DISC1: variants seen among roughly 807,000 people sequenced by gnomAD.
DISC1 encodes disrupted in schizophrenia 1 protein.
In DISC1, 57 loss-of-function variants were observed where a neutral mutation model predicts 84.5. The observed-to-expected ratio is 0.67, with a 90% confidence interval of 0.55 to 0.84. DISC1 has a LOEUF of 0.84. DISC1 is among the 40% of genes least tolerant of loss of function. DISC1 has a pLI of 0.00. For synonymous variants in DISC1, 411 were observed against 415.2 expected (o/e 0.99, Z 0.12); for missense variants, 1,000 against 1,057.8 (o/e 0.95, Z 0.76).
At position 231,952,486 on chromosome 1, in the gene DISC1, G is replaced by T. The variant is rs16855725; in HGVS notation, c.1982-6342G>T. Among the ~76,000 whole-genome samples the T allele has an allele frequency of 4.2e-3, 643 of 152,152 alleles. 11 individuals carry two copies. Among genetic ancestry groups the T allele is most frequent in the East Asian group, 0.042 (215 of 5,178 alleles). On this transcript the variant is annotated intron_variant, in intron 9 of 12. Coordinates refer to ENST00000439617, the MANE Select transcript of DISC1 (RefSeq NM_018662.3). ...GCTAAACTAGAACTACCACAGATAG[G>T]TGATAGCAGAATGCTATATTTGAAA...
intron 6 of DISC1, among the ~76,000 whole-genome samples, chr1:231,793,153 A>G (rs563155723): frequency 3.9e-5 from 6 of 152,340 alleles, no homozygotes; most frequent in Admixed American, 1.3e-4. Flanking sequence ...TTGAAGAACA[A>G]ACAAACAAAA....
At chr1:231,862,981 G>A (rs748526588) in intron 9 of DISC1, among the ~76,000 whole-genome samples, 8 of 152,266 alleles carry the variant, frequency 5.3e-5, no homozygotes, top group Middle Eastern at 3.4e-3. Context: ...ATAAGTGACA[G>A]AGTTAGTCTC....
chr1:231,831,172 GC>G (rs2082195517), intron 9 of DISC1, among the ~76,000 whole-genome samples: 1 of 152,186 alleles, frequency 6.6e-6, no homozygotes, highest in South Asian at 2.1e-4. Context: ...CCAGTCCTGG[GC>G]AGGGGCAAAT....
chr1:232,019,113 C>G (rs1668726749), intron 11 of DISC1, among the ~76,000 whole-genome samples: 1 of 152,176 alleles, frequency 6.6e-6, no homozygotes. Flanking sequence ...AGGACCTCAT[C>G]ATCTGGTGAG....
At chr1:231,814,536 A>G (rs1244269938) in intron 8 of DISC1, among the ~76,000 whole-genome samples, 1 of 152,188 alleles carries the variant, frequency 6.6e-6, no homozygotes, top group Non-Finnish European at 1.5e-5. Context: ...CTTCTTCTTC[A>G]TTCTGAGTCT....
At chr1:231,763,581 T>G (rs985927980) in intron 4 of DISC1, among the ~76,000 whole-genome samples, 3 of 152,194 alleles carry the variant, frequency 2.0e-5, no homozygotes, top group Non-Finnish European at 4.4e-5. Context: ...TTACAAAAAC[T>G]GAGGTGACAT....
chr1:231,746,568 C>A (rs1483649043), intron 3 of DISC1, among the ~76,000 whole-genome samples: 2 of 152,216 alleles, frequency 1.3e-5, no homozygotes, highest in Admixed American at 6.5e-5. Flanking sequence ...TTCCCACCAA[C>A]AATGTATAAG....
chr1:231,925,321 T>G (rs895058548), intron 9 of DISC1, among the ~76,000 whole-genome samples: 1 of 152,180 alleles, frequency 6.6e-6, no homozygotes, highest in Admixed American at 6.5e-5. Flanking sequence ...ACCTGCATGG[T>G]GATGCTGTGC....
intron 12 of DISC1, among the ~76,000 whole-genome samples, chr1:232,033,830 A>G (rs1670274704): frequency 6.6e-6 from 1 of 152,334 alleles, no homozygotes; most frequent in East Asian, 1.9e-4. Context: ...TGTGAATATC[A>G]CAGAAGTATG....
At chr1:231,745,183 A>C (rs1434479224) in intron 3 of DISC1, among the ~76,000 whole-genome samples, 2 of 152,146 alleles carry the variant, frequency 1.3e-5, no homozygotes, top group Non-Finnish European at 1.5e-5. Context: ...TATAGTGATC[A>C]GATCGGGGTA....
chr1:231,683,431 T>G (rs1367633441), intron 1 of DISC1, among the ~76,000 whole-genome samples: 3 of 151,256 alleles, frequency 2.0e-5, no homozygotes, highest in Non-Finnish European at 4.4e-5. Flanking sequence ...CATGATTTTT[T>G]TTTTTTTTTT....
intron 8 of DISC1, among the ~76,000 whole-genome samples, 161 bp downstream of exon 8, chr1:231,800,371 C>T (rs550168444): frequency 6.6e-6 from 1 of 152,234 alleles, no homozygotes; most frequent in Non-Finnish European, 1.5e-5. Flanking sequence ...CATAATATAG[C>T]ACAAGGTGTT....
At chr1:231,647,525 T>C (rs143728754) in intron 1 of DISC1, among the ~76,000 whole-genome samples, 3 of 152,216 alleles carry the variant, frequency 2.0e-5, no homozygotes, top group African/African-American at 7.2e-5. Flanking sequence ...TTGCTTAGGA[T>C]TGTTTTGGCA....
Position 231,953,467 on chromosome 1 carries a change from T to C in DISC1, c.1982-5361T>C, listed in dbSNP as rs115219888. Among the ~76,000 whole-genome samples, 984 of 152,292 alleles carry C rather than the reference T, an allele frequency of 6.5e-3. 7 individuals carry two copies. The highest frequency in any genetic ancestry group is 0.022 in the African/African-American group (929 of 41,552). On this transcript the variant is annotated intron_variant, in intron 9 of 12. Coordinates refer to ENST00000439617, the MANE Select transcript of DISC1 (RefSeq NM_018662.3). ...TTCCTGGGTCTTTTCAGGATTATGTTACCTCTTCATCCTCATGCATGATTT... is the reference window on the plus strand; with the variant it reads ...TTCCTGGGTCTTTTCAGGATTATGTCACCTCTTCATCCTCATGCATGATTT...
intron 9 of DISC1, among the ~76,000 whole-genome samples, chr1:231,906,159 A>T (rs1004293857): frequency 1.7e-4 from 25 of 151,444 alleles, no homozygotes; most frequent in African/African-American, 5.6e-4. Context: ...AGCAGCTGGG[A>T]CCACAGACAT....
intron 9 of DISC1, among the ~76,000 whole-genome samples, chr1:231,852,699 T>C (rs2083989305): frequency 1.3e-5 from 2 of 152,232 alleles, no homozygotes; most frequent in Non-Finnish European, 2.9e-5. Flanking sequence ...AAACTGGCAT[T>C]GTTATCAAGG....
At chr1:231,855,938 G>A (rs1182102199) in intron 9 of DISC1, among the ~76,000 whole-genome samples, 1 of 152,184 alleles carries the variant, frequency 6.6e-6, no homozygotes, top group African/African-American at 2.4e-5. Context: ...TTTAAGCTCA[G>A]ATCCTAAAAT....
chr1:231,675,150 C>A lies in DISC1; in HGVS notation c.68-18676C>A, dbSNP rs949432737. Among the ~76,000 whole-genome samples the A allele has an allele frequency of 2.0e-5, 3 of 152,112 alleles. No homozygotes were observed. The highest frequency in any genetic ancestry group is 7.2e-5 in the African/African-American group (3 of 41,406). The stretch of plus-strand genomic sequence containing the variant: ...AAAAGCTGAGACCCTTGATACTCTG[C>A]ACACGGCTAGTATGGGCTTTATACA... On this transcript the variant is annotated intron_variant, in intron 1 of 12. Transcript: ENST00000439617. This position sits in a 1 kb window ranked among gnomAD's most constrained non-coding sequence, Gnocchi z 4.1.
chr1:231,941,559 G>T (rs12133626), intron 9 of DISC1, among the ~76,000 whole-genome samples: 6,153 of 151,582 alleles, frequency 0.041, 309 homozygotes, highest in East Asian at 0.27. Context: ...TGCAACCTCT[G>T]CCTCCTGGGT....
Sources: allele counts gnomAD v4.1 joint callset (sites outside exome capture counted in the v4.1 genomes callset), GRCh38; gene constraint gnomAD v4.1.1; non-coding constraint Gnocchi (gnomAD v3.1); transcripts MANE v1.5; gene names NCBI Gene and HGNC (gene_info 2026-07-23, HGNC 2026-07-21).